The following SATL1 variants were observed in gnomAD, a reference collection of about 807,000 sequenced individuals.
The protein encoded by SATL1 is spermidine/spermine N(1)-acetyltransferase-like protein 1.
Under a neutral mutation model 51.8 loss-of-function variants are expected in SATL1, and 47 were observed. The observed-to-expected ratio is 0.91, with a 90% CI of 0.72 to 1.16. The LOEUF (loss-of-function observed/expected upper bound fraction) is 1.16. Ranked by LOEUF, SATL1 falls within the 50% of genes most tolerant of loss-of-function variation. The pLI is 0.00. For synonymous variants in SATL1, 176 were observed against 182.4 expected (o/e 0.97, Z 0.28); for missense variants, 520 against 526.4 (o/e 0.99, Z 0.12).
intron 2 of SATL1, among the ~76,000 whole-genome samples, chrX:85,184,157 G>C (rs913844762): frequency 9.0e-6 from 1 of 111,347 alleles, no homozygotes; most frequent in African/African-American, 3.3e-5. Context: ...TTGAGTATAG[G>C]TGCCACATTT....
Position 85,108,960 on chromosome X carries a change from T to A in SATL1, c.9A>T (p.Gln3His), listed in dbSNP as rs1602838073. The change falls in exon 3 of 8, where the codon CAA becomes CAT. Residue 3 changes from glutamine to histidine, a missense_variant. Coordinates refer to ENST00000644105, the MANE Select transcript of SATL1 (RefSeq NM_001367857.2). MN[Q>H]SGTNQSSLSD... is the part of the protein sequence containing the mutation. The stretch of plus-strand genomic sequence containing the variant: ...ATAAACTTGATTGGTTCGTGCCTGA[T>A]TGGTTCATGCCCAGTTGATTCCTGC... 8.3e-7 allele frequency: 1 copy of A among 1,201,292 alleles called. No individual in the cohort carries two copies.
At chrX:85,143,208 T>C (rs1926150333) in intron 2 of SATL1, among the ~76,000 whole-genome samples, 1 of 112,314 alleles carries the variant, frequency 8.9e-6, no homozygotes, top group Non-Finnish European at 1.9e-5. Flanking sequence ...ACACAATTCG[T>C]GCATGTTCCA....
intron 2 of SATL1, among the ~76,000 whole-genome samples, chrX:85,221,396 C>A (rs1928175353): frequency 8.9e-6 from 1 of 111,835 alleles, no homozygotes; most frequent in Admixed American, 9.5e-5. Flanking sequence ...GAAATCGAGG[C>A]TTTAGGTAGT....
intron 2 of SATL1, among the ~76,000 whole-genome samples, chrX:85,151,128 C>T (rs1238360033): frequency 8.3e-5 from 9 of 108,818 alleles, no homozygotes; most frequent in African/African-American, 3.0e-4. Context: ...TCTCAGGATA[C>T]AAAATCAATG....
At chrX:85,225,149 A>G (rs1328339618) in intron 1 of SATL1, among the ~76,000 whole-genome samples, 4 of 111,931 alleles carry the variant, frequency 3.6e-5, no homozygotes, top group African/African-American at 1.3e-4. Flanking sequence ...GTGGTTACAA[A>G]AGGACAACAA....
intron 2 of SATL1, among the ~76,000 whole-genome samples, chrX:85,218,224 G>A (rs1160338905): frequency 1.8e-5 from 2 of 110,131 alleles, no homozygotes; most frequent in Non-Finnish European, 3.8e-5. Flanking sequence ...GTAACACACA[G>A]TTTACCTATA....
At chrX:85,183,803 T>C (rs977814093) in intron 2 of SATL1, among the ~76,000 whole-genome samples, 3 of 111,634 alleles carry the variant, frequency 2.7e-5, no homozygotes, top group African/African-American at 6.5e-5. Context: ...AATCCAATTA[T>C]ATCTTTTTGT....
chrX:85,105,330 A>T (rs1925013359), intron 3 of SATL1, among the ~76,000 whole-genome samples: 1 of 111,427 alleles, frequency 9.0e-6, no homozygotes, highest in Non-Finnish European at 1.9e-5. Flanking sequence ...CCTCTAAGAC[A>T]CTGTAAGCTC....
intron 2 of SATL1, among the ~76,000 whole-genome samples, chrX:85,179,062 CT>C (rs1927144687): frequency 8.9e-6 from 1 of 112,051 alleles, no homozygotes; most frequent in Non-Finnish European, 1.9e-5. Flanking sequence ...ATGTTACCCA[CT>C]AGGCACATGT....
At chrX:85,228,077 A>T (rs1353389511) in intron 1 of SATL1, among the ~76,000 whole-genome samples, 2 of 111,305 alleles carry the variant, frequency 1.8e-5, no homozygotes, top group Non-Finnish European at 3.8e-5. Context: ...ATGGACGTTC[A>T]TTAATCTATT....
chrX:85,135,071 G>A (rs1925917461), intron 2 of SATL1, among the ~76,000 whole-genome samples: 1 of 111,545 alleles, frequency 9.0e-6, no homozygotes, highest in Admixed American at 9.6e-5. Context: ...AACTAATGCA[G>A]GAAGAGAAAA....
chrX:85,147,559 T>C (rs1299862233), intron 2 of SATL1, among the ~76,000 whole-genome samples: 2 of 112,741 alleles, frequency 1.8e-5, no homozygotes, highest in African/African-American at 3.2e-5. Flanking sequence ...GCAGCCTAAC[T>C]AGGAGGCACC....
In SATL1 at chrX:85,107,541, C is replaced by G; in HGVS notation, c.1428G>C (p.Arg476Ser). The change falls in exon 3 of 8, where the codon AGG becomes AGC. Residue 476 changes from arginine to serine, a missense_variant. By Grantham distance (110) the Arg-to-Ser change is moderately radical. Around this residue, in one of 3 missense-constraint regions of SATL1, gnomAD observed 488 missense variants for 474.3 expected, o/e 1.03. Coordinates refer to ENST00000644105, the MANE Select transcript of SATL1 (RefSeq NM_001367857.2). ...CCGGTTCCCATATGCCTGGTTGGCC[C>G]CTGCCTGGATGGCTCATGCCTGTTT... ...KNQTGMSHPG[R>S]GQPGIWEPGP... is the part of the protein sequence containing the mutation. 5.0e-6 allele frequency: 6 copies of G among 1,211,953 alleles called. No individual in the cohort carries two copies. The South Asian group carries it at 1.1e-4, about 21-fold the overall frequency.
chrX:85,114,475 C>T lies in SATL1; in HGVS notation c.-312-5195G>A, dbSNP rs992219536. Among the ~76,000 whole-genome samples the T allele has an allele frequency of 8.1e-5, 9 of 111,564 alleles. No homozygotes were observed. The South Asian group carries it at 1.5e-3, about 19-fold the overall frequency. ...TCACAATCTCCAAAGTTATCAGAAACCTGCTTTTGAGAGCAACCGTTAAAG... is the reference window on the plus strand; with the variant it reads ...TCACAATCTCCAAAGTTATCAGAAATCTGCTTTTGAGAGCAACCGTTAAAG... On this transcript the variant is annotated intron_variant, in intron 2 of 7. Transcript: ENST00000644105.
intron 2 of SATL1, among the ~76,000 whole-genome samples, chrX:85,171,206 G>T (rs1367829300): frequency 2.7e-5 from 3 of 111,263 alleles, no homozygotes; most frequent in East Asian, 2.8e-4. Flanking sequence ...GTGATCACAA[G>T]GCAAAAGTCT....
intron 2 of SATL1, among the ~76,000 whole-genome samples, chrX:85,212,290 G>A (rs984876812): frequency 7.2e-5 from 8 of 111,808 alleles, no homozygotes; most frequent in African/African-American, 2.6e-4. Flanking sequence ...TATTAGAGCA[G>A]AAGATAGCTC....
chrX:85,193,366 G>C (rs937640646), intron 2 of SATL1, among the ~76,000 whole-genome samples: 6 of 111,346 alleles, frequency 5.4e-5, no homozygotes, highest in African/African-American at 2.0e-4. Flanking sequence ...AGCTACCCAG[G>C]CGAAGAAGAA....
intron 4 of SATL1, among the ~76,000 whole-genome samples, chrX:85,095,842 A>G (rs1220530875): frequency 9.4e-6 from 1 of 105,832 alleles, no homozygotes; most frequent in East Asian, 2.9e-4. Flanking sequence ...AAAAAAAAAA[A>G]AAAAAAAAAA....
At chrX:85,227,204 C>T (rs1246513087) in intron 1 of SATL1, among the ~76,000 whole-genome samples, 1 of 111,516 alleles carries the variant, frequency 9.0e-6, no homozygotes, top group Non-Finnish European at 1.9e-5. Context: ...CTAGTCCAAT[C>T]ATGTTGCCTC....
Sources: allele counts gnomAD v4.1 joint callset (sites outside exome capture counted in the v4.1 genomes callset), GRCh38; gene constraint gnomAD v4.1.1; regional missense constraint gnomAD v4.1.1; transcripts MANE v1.5; gene names NCBI Gene and HGNC (gene_info 2026-07-23, HGNC 2026-07-21).